Variants in TTC34 observed in about 807,000 individuals in gnomAD.
TTC34 encodes tetratricopeptide repeat domain 34.
Under a neutral mutation model 40.7 loss-of-function variants are expected in TTC34, and 44 were observed. The ratio of observed to expected loss-of-function variants is 1.08; its 90% CI spans 0.85 to 1.39. TTC34 has a LOEUF of 1.39. TTC34 is among the 40% of genes most tolerant of loss of function. TTC34 has a pLI of 0.00. For synonymous variants in TTC34, 422 were observed against 398.6 expected, an observed-to-expected ratio of 1.06 and a Z score of -0.70; for missense variants, 884 against 838.0, an observed-to-expected ratio of 1.05 and a Z score of -0.68.
intron 6 of TTC34, among the ~76,000 whole-genome samples, chr1:2,688,579 G>A (rs573443849): frequency 4.2e-4 from 58 of 139,586 alleles, no homozygotes; most frequent in East Asian, 2.1e-3. Flanking sequence ...ACCTTCCGGC[G>A]CGCATCCGAC....
chr1:2,686,809 GCGAGCATC>G (rs1640378282), intron 6 of TTC34, among the ~76,000 whole-genome samples: 10 of 147,232 alleles, frequency 6.8e-5, no homozygotes, highest in South Asian at 2.1e-4. Flanking sequence ...ACACCCCCAG[GCGAGCATC>G]TGACAGCCTG....
intron 6 of TTC34, among the ~76,000 whole-genome samples, chr1:2,687,244 C>A (rs1449858902): frequency 1.6e-5 from 2 of 123,644 alleles, no homozygotes; most frequent in Middle Eastern, 3.9e-3. Context: ...AGCACCCACA[C>A]CCCCAGGTGC....
At chr1:2,753,311 C>T (rs1356319509) in intron 6 of TTC34, among the ~76,000 whole-genome samples, 2,998 of 45,540 alleles carry the variant, frequency 0.066, 470 homozygotes, top group African/African-American at 0.23. Context: ...GGTGAGCATC[C>T]GACAGCCTGG....
In TTC34 at chr1:2,695,635, C is replaced by A. The variant is rs568246359; in HGVS notation, c.2227-50072G>T. Among the ~76,000 whole-genome samples the A allele has an allele frequency of 4.2e-4, 34 of 81,240 alleles. 6 individuals carry two copies. Among genetic ancestry groups the A allele is most frequent in the African/African-American group, 1.5e-3 (34 of 23,134 alleles). 53.3% of individuals were successfully genotyped at this position (81,240 alleles called of 152,430 possible). A position where few individuals can be genotyped will look rare whatever the true frequency, so the allele number is the denominator to read the frequency against. On this transcript the variant is annotated intron_variant, in intron 6 of 8. Transcript: ENST00000401095. Reference sequence around the variant, plus strand: ...CTGACAGCCTGAAGCAGCACCCACACCAACAGGTGAGCATCTGACCGCCTG... The same window carrying A: ...CTGACAGCCTGAAGCAGCACCCACAACAACAGGTGAGCATCTGACCGCCTG...
intron 6 of TTC34, among the ~76,000 whole-genome samples, chr1:2,750,453 G>A (rs1641279075): frequency 1.0e-5 from 1 of 98,950 alleles, no homozygotes; most frequent in Non-Finnish European, 1.9e-5. Context: ...ACACCCAGGC[G>A]AGTATCTGAC....
chr1:2,687,196 C>G lies in TTC34; in HGVS notation c.2227-41633G>C, dbSNP rs202108967. Reference sequence around the variant, plus strand: ...GCGAGCATCTGAACCCACGGAGCAGCACCCACACCTCCCGGCGAGCATCCG... The same window carrying G: ...GCGAGCATCTGAACCCACGGAGCAGGACCCACACCTCCCGGCGAGCATCCG... On this transcript the variant is annotated intron_variant, in intron 6 of 8. Transcript: ENST00000401095. 7.0e-4 allele frequency among the ~76,000 whole-genome samples: 102 copies of G among 146,336 alleles called. 1 individual carries two copies. In the East Asian group the frequency reaches 0.019, roughly 27 times the overall value.
At chr1:2,750,834 G>A (rs1393062747) in intron 6 of TTC34, among the ~76,000 whole-genome samples, 117 of 50,948 alleles carry the variant, frequency 2.3e-3, no homozygotes, top group Middle Eastern at 0.023. Flanking sequence ...ACAGCCTGGA[G>A]CAGTACCCAC....
intron 6 of TTC34, among the ~76,000 whole-genome samples, chr1:2,778,774 TA>T (rs1643414128): frequency 8.9e-3 from 1 of 112 alleles, no homozygotes; most frequent in African/African-American, 0.031. Context: ...TTTACCATCT[TA>T]ATTAATTATC....
chr1:2,784,043 G>A (rs1229191586), intron 5 of TTC34, among the ~76,000 whole-genome samples: 26 of 152,166 alleles, frequency 1.7e-4, no homozygotes, highest in Admixed American at 1.7e-3. Context: ...GCCAGGCGAG[G>A]GCAGGGGGAT....
At chr1:2,644,541 G>A in intron 7 of TTC34, 63 bp from the exon 8 acceptor site, 4 of 1,456,918 alleles carry the variant, frequency 2.7e-6, no homozygotes, top group Non-Finnish European at 3.7e-6. Context: ...AGAGAGCTGA[G>A]ACTCGCTGGC....
chr1:2,655,573 C>A (rs1257619393), intron 6 of TTC34, among the ~76,000 whole-genome samples: 73 of 150,482 alleles, frequency 4.9e-4, no homozygotes, highest in Middle Eastern at 3.5e-3. Context: ...GCTCTCACAA[C>A]CCCAGGTTAG....
At position 2,765,814 on chromosome 1, in the gene TTC34, C is replaced by G. The variant is rs1456123013; in HGVS notation, c.2226+17795G>C. 5.2e-3 allele frequency among the ~76,000 whole-genome samples: 46 copies of G among 8,824 alleles called. 1 individual carries two copies. The highest frequency in any genetic ancestry group is 0.011 in the African/African-American group (6 of 560). The allele number at this position is 8,824 out of a possible 152,430, so 5.8% of individuals were successfully genotyped here. A position where few individuals can be genotyped will look rare whatever the true frequency, so the allele number is the denominator to read the frequency against. On this transcript the variant is annotated intron_variant, in intron 6 of 8. Transcript: ENST00000401095. ...CCCACACCCCCGGGCGAGCATCTGA[C>G]AGCCTGGAGCAGCACCCACACCCCC... is the stretch of plus-strand genomic sequence containing the variant.
chr1:2,753,210 C>T (rs1395186883), intron 6 of TTC34, among the ~76,000 whole-genome samples: 1 of 83,944 alleles, frequency 1.2e-5, no homozygotes, highest in African/African-American at 4.3e-5. Context: ...CAGCAGCACC[C>T]CACACCCACA....
In TTC34 at chr1:2,787,034, G is replaced by A. The variant is rs1160488620; in HGVS notation, c.1854+447C>T. Among the ~76,000 whole-genome samples, 2 of 152,202 alleles carry A rather than the reference G, an allele frequency of 1.3e-5. 1 individual carries two copies. Among genetic ancestry groups the A allele is most frequent in the South Asian group, 4.1e-4 (2 of 4,832 alleles). On this transcript the variant is annotated intron_variant, in intron 4 of 8. Transcript: ENST00000401095. Reference sequence around the variant, plus strand: ...CCGGGATAGCACCTGAGGCAGGTAAGGGTCTGCCTTTCCTGGGAGCAGGGG... The same window carrying A: ...CCGGGATAGCACCTGAGGCAGGTAAAGGTCTGCCTTTCCTGGGAGCAGGGG...
intron 6 of TTC34, among the ~76,000 whole-genome samples, chr1:2,778,959 C>T (rs1173297176): frequency 6.6e-6 from 1 of 152,152 alleles, no homozygotes; most frequent in Non-Finnish European, 1.5e-5. Context: ...CACCATTCTG[C>T]TTTCTGTCTC....
exon 3 of TTC34, chr1:2,790,228 C>T: frequency 2.5e-6 from 1 of 398,420 alleles, no homozygotes; most frequent in East Asian, 3.6e-5. Flanking sequence ...ACTGCCTCCG[C>T]GCCCCAGAGG....
At chr1:2,651,073 A>G (rs1051578639) in intron 6 of TTC34, among the ~76,000 whole-genome samples, 5 of 150,298 alleles carry the variant, frequency 3.3e-5, no homozygotes, top group African/African-American at 4.9e-5. Flanking sequence ...TCACACCCCC[A>G]GGTAAGCATC....
rs912290971 is a variant in TTC34 at position 2,641,693 on chromosome 1, T to C, written c.2915A>G (p.Asp972Gly). 3 of 1,535,162 alleles carry C rather than the reference T, an allele frequency of 2.0e-6. No homozygotes were observed. The African/African-American group carries it at 4.1e-5, about 21-fold the overall frequency. Reference sequence around the variant, plus strand: ...GAAGTCCTCTGCCCGCCTTGGGAGGTCACCATCCCCCAGCGCCTCCTGGAG... The same window carrying C: ...GAAGTCCTCTGCCCGCCTTGGGAGGCCACCATCCCCCAGCGCCTCCTGGAG... Residue 972 changes from aspartate (D) to glycine (G), a missense_variant, in exon 9 of 9, where the codon GAC becomes GGC. Transcript: ENST00000401095.
intron 6 of TTC34, among the ~76,000 whole-genome samples, chr1:2,684,597 C>G (rs71630989): frequency 1.4e-5 from 2 of 138,004 alleles, no homozygotes; most frequent in African/African-American, 6.2e-5. Flanking sequence ...ACACCCATAC[C>G]CCCAGGTGAG....
Sources: gnomAD v4.1 joint callset for allele counts (sites outside exome capture counted in the v4.1 genomes callset) on GRCh38, gnomAD v4.1.1 for gene constraint, MANE v1.5 for transcripts, NCBI Gene and HGNC (gene_info 2026-07-23, HGNC 2026-07-21) for gene names.